Variants in KAZN observed in about 807,000 individuals in gnomAD.
KAZN encodes kazrin, periplakin interacting protein, also known as kazrin.
A neutral mutation model predicts 87.4 loss-of-function variants in KAZN; 40 were observed. The observed-to-expected ratio is 0.46, with a 90% confidence interval of 0.36 to 0.60. The LOEUF (loss-of-function observed/expected upper bound fraction) is 0.60. Among genes scored for constraint, KAZN ranks in the 20% least tolerant of loss-of-function variants. The pLI is 0.00. For synonymous variants in KAZN, 466 were observed against 458.3 expected, an observed-to-expected ratio of 1.02 and a Z score of -0.22; for missense variants, 898 against 1,073.9, an observed-to-expected ratio of 0.84 and a Z score of 2.29.
intron 2 of KAZN, among the ~76,000 whole-genome samples, chr1:14,363,188 G>A (rs1659667917): frequency 6.6e-6 from 1 of 152,132 alleles, no homozygotes; most frequent in Non-Finnish European, 1.5e-5. Flanking sequence ...TGGCAGTTGG[G>A]GACTCTGAAA....
At chr1:15,036,053 C>T (rs1672226431) in intron 3 of KAZN, among the ~76,000 whole-genome samples, 1 of 152,012 alleles carries the variant, frequency 6.6e-6, no homozygotes, top group African/African-American at 2.4e-5. Context: ...ACCGCTGATT[C>T]CTCACTGTCA....
chr1:14,301,152 T>G (rs1354367789), intron 2 of KAZN, among the ~76,000 whole-genome samples: 1 of 152,132 alleles, frequency 6.6e-6, no homozygotes. Flanking sequence ...ACCCAGACCA[T>G]AGGGAATTCA....
At chr1:14,486,700 A>T (rs1156920930) in intron 2 of KAZN, among the ~76,000 whole-genome samples, 1 of 152,186 alleles carries the variant, frequency 6.6e-6, no homozygotes, top group Non-Finnish European at 1.5e-5. Context: ...TAACTAGGTA[A>T]TAAGAGTTGA....
chr1:14,263,777 G>T (rs1213664134), intron 2 of KAZN, among the ~76,000 whole-genome samples: 1 of 152,220 alleles, frequency 6.6e-6, no homozygotes, highest in Non-Finnish European at 1.5e-5. Flanking sequence ...CTATGTTTAA[G>T]GACACGCAGT....
chr1:14,652,061 G>A (rs1180309707), intron 1 of KAZN, among the ~76,000 whole-genome samples: 1 of 152,220 alleles, frequency 6.6e-6, no homozygotes. Context: ...TCTGTACAGG[G>A]CAGATCACCA....
intron 1 of KAZN, among the ~76,000 whole-genome samples, chr1:14,737,765 T>C (rs1643953360): frequency 6.6e-6 from 1 of 152,172 alleles, no homozygotes; most frequent in Admixed American, 6.5e-5. Context: ...CACTGTTCTC[T>C]TGATGGCTGT....
At chr1:14,162,943 A>C (rs969955166) in intron 1 of KAZN, among the ~76,000 whole-genome samples, 4 of 152,148 alleles carry the variant, frequency 2.6e-5, no homozygotes, top group African/African-American at 9.7e-5. Flanking sequence ...TCTGCAGAGA[A>C]TAAAATTTCT....
chr1:15,080,939 G>C (rs1639977661), intron 8 of KAZN, among the ~76,000 whole-genome samples: 1 of 152,362 alleles, frequency 6.6e-6, no homozygotes, highest in Non-Finnish European at 1.5e-5. Context: ...ACGATGCACG[G>C]GACAGCCCCA....
intron 2 of KAZN, among the ~76,000 whole-genome samples, chr1:14,984,127 G>T (rs1011262501): frequency 3.9e-5 from 6 of 152,070 alleles, no homozygotes; most frequent in Non-Finnish European, 7.4e-5. Flanking sequence ...AGCACTTTGG[G>T]AGGCCGAGGC....
rs1366473451 is a variant in KAZN, at chr1:14,949,967, T to C, written c.227-10717T>C. On this transcript the variant is annotated intron_variant, in intron 1 of 14. Transcript: ENST00000376030. The surrounding 1 kb of genome is among the most constrained non-coding windows in gnomAD (Gnocchi z 4.3). ...AAAGGTGTGTTTACAGGCCAGCGGCTTCACCGGAAGAGCCTCTGCACGGAA... is the reference window on the plus strand; with the variant it reads ...AAAGGTGTGTTTACAGGCCAGCGGCCTCACCGGAAGAGCCTCTGCACGGAA... 6.6e-6 allele frequency among the ~76,000 whole-genome samples: 1 copy of C among 151,992 alleles called. No individual in the cohort carries two copies. Among genetic ancestry groups the C allele is most frequent in the Non-Finnish European group, 1.5e-5 (1 of 68,016 alleles).
intron 1 of KAZN, among the ~76,000 whole-genome samples, chr1:14,610,087 C>T (rs137982633): frequency 9.2e-5 from 14 of 152,326 alleles, no homozygotes; most frequent in African/African-American, 2.9e-4. Flanking sequence ...GAGTGGCCCA[C>T]GATGAAAGGG....
chr1:14,045,194 A>C (rs1402944982), intron 1 of KAZN, among the ~76,000 whole-genome samples: 2 of 152,180 alleles, frequency 1.3e-5, no homozygotes, highest in African/African-American at 4.8e-5. Context: ...AGACTCACAA[A>C]ATCAGGACCC....
rs771869908 is a variant in KAZN, at chr1:14,670,317, C to T, written c.226+71094C>T. On this transcript the variant is annotated intron_variant, in intron 1 of 14. Coordinates refer to ENST00000376030, the MANE Select transcript of KAZN (RefSeq NM_201628.3). ...AAAGGCAGGGGTATTCAAGCCTGAG[C>T]GAGCCTCAGAGGCACCTGGAAGCCT... 5.9e-5 allele frequency among the ~76,000 whole-genome samples: 9 copies of T among 152,118 alleles called. No individual in the cohort carries two copies. In the South Asian group the frequency reaches 6.2e-4, roughly 11 times the overall value.
chr1:14,181,016 AG>A (rs1335600723), intron 2 of KAZN, among the ~76,000 whole-genome samples: 2 of 152,206 alleles, frequency 1.3e-5, no homozygotes, highest in African/African-American at 4.8e-5. Context: ...TAAGTACATC[AG>A]CACTGGTTTT....
intron 1 of KAZN, among the ~76,000 whole-genome samples, chr1:13,961,093 C>A (rs1200123485): frequency 6.6e-6 from 1 of 152,158 alleles, no homozygotes; most frequent in Non-Finnish European, 1.5e-5. Context: ...AGGGGCTGAG[C>A]CCCTTTTTCC....
intron 2 of KAZN, among the ~76,000 whole-genome samples, chr1:15,025,487 C>G (rs1671072926): frequency 1.3e-5 from 2 of 152,246 alleles, no homozygotes; most frequent in Non-Finnish European, 2.9e-5. Context: ...AGGGGCAGAG[C>G]TGGCAAACCT....
intron 1 of KAZN, among the ~76,000 whole-genome samples, chr1:14,089,098 G>A (rs1237311242): frequency 2.6e-5 from 4 of 151,594 alleles, no homozygotes; most frequent in Non-Finnish European, 4.4e-5. Flanking sequence ...ACCCACACAT[G>A]CATAACCTCC....
chr1:14,009,187 C>A (rs1007705374), intron 1 of KAZN, among the ~76,000 whole-genome samples: 1 of 152,154 alleles, frequency 6.6e-6, no homozygotes, highest in African/African-American at 2.4e-5. Context: ...GTGTATAGAT[C>A]ACCTTTTACT....
At chr1:14,500,737 A>T (rs1050588996) in intron 2 of KAZN, among the ~76,000 whole-genome samples, 4 of 152,172 alleles carry the variant, frequency 2.6e-5, no homozygotes, top group Admixed American at 1.3e-4. Context: ...TAAACCAGGA[A>T]TGAAAAAGTA....
Sources: gnomAD v4.1 joint callset for allele counts (sites outside exome capture counted in the v4.1 genomes callset) on GRCh38, gnomAD v4.1.1 for gene constraint, Gnocchi (gnomAD v3.1) non-coding constraint, MANE v1.5 for transcripts, NCBI Gene and HGNC (gene_info 2026-07-23, HGNC 2026-07-21) for gene names.